Variants in FAM168A observed in about 807,000 individuals in gnomAD.
The protein encoded by FAM168A is family with sequence similarity 168 member A, also known as protein FAM168A.
A neutral mutation model predicts 28.5 loss-of-function variants in FAM168A; 3 were observed. The ratio of observed to expected loss-of-function variants is 0.11; its 90% CI spans 0.05 to 0.27. The LOEUF is 0.27. Ranked by LOEUF, FAM168A falls within the 10% of genes least tolerant of loss-of-function variation. The pLI, the probability that FAM168A is intolerant of heterozygous loss-of-function variation, is 1.00. For synonymous variants in FAM168A, 122 were observed against 124.2 expected, an observed-to-expected ratio of 0.98 and a Z score of 0.12; for missense variants, 222 against 311.5, an observed-to-expected ratio of 0.71 and a Z score of 2.16.
chr11:73,484,650 ATC>A (rs1188042558), intron 1 of FAM168A, among the ~76,000 whole-genome samples: 5 of 146,048 alleles, frequency 3.4e-5, no homozygotes, highest in African/African-American at 1.2e-4. Flanking sequence ...ATATCTATCT[ATC>A]TATATATAGA....
intron 4 of FAM168A, among the ~76,000 whole-genome samples, chr11:73,419,462 C>T (rs988735500): frequency 2.0e-5 from 3 of 152,184 alleles, no homozygotes; most frequent in Non-Finnish European, 2.9e-5. Context: ...CACAGGACAG[C>T]GCCCCCACAA....
At chr11:73,499,266 C>G (rs1029446462) in intron 1 of FAM168A, among the ~76,000 whole-genome samples, 1 of 152,066 alleles carries the variant, frequency 6.6e-6, no homozygotes, top group African/African-American at 2.4e-5. Context: ...GCCCTACCTA[C>G]AGAAGAGGGA....
At chr11:73,597,629 T>A (rs1211005410) in intron 1 of FAM168A, among the ~76,000 whole-genome samples, 1 of 149,216 alleles carries the variant, frequency 6.7e-6, no homozygotes, top group Admixed American at 6.7e-5. Context: ...CCCAAGACCA[T>A]CCCGAATTCC....
chr11:73,426,317 A>G (rs7925226), intron 3 of FAM168A, among the ~76,000 whole-genome samples: 12,412 of 152,252 alleles, frequency 0.082, 647 homozygotes, highest in Non-Finnish European at 0.11. Flanking sequence ...AGAGCTTGGG[A>G]AAAAGCTCCA....
intron 1 of FAM168A, among the ~76,000 whole-genome samples, chr11:73,507,617 A>G (rs1325562955): frequency 6.6e-6 from 1 of 152,178 alleles, no homozygotes; most frequent in Non-Finnish European, 1.5e-5. Context: ...TTGAACCTAA[A>G]AAAAAAGTTA....
At position 73,568,006 on chromosome 11, in the gene FAM168A, C is replaced by CT. The variant is rs141321848; in HGVS notation, c.-19+29916dup. Among the ~76,000 whole-genome samples the CT allele has an allele frequency of 5.8e-3, 883 of 152,322 alleles. 8 individuals carry two copies. The highest frequency in any genetic ancestry group is 0.021 in the African/African-American group (854 of 41,578). On this transcript the variant is annotated intron_variant, in intron 1 of 7. Coordinates refer to ENST00000356467, the MANE Select transcript of FAM168A (RefSeq NM_015159.3). The stretch of plus-strand genomic sequence containing the variant: ...TCTCTTTCAGCAGCTACCCTGTACT[C>CT]TAACTACTCACCTTTCAAGCTTGTA...
At chr11:73,484,596 C>CTA (rs1868020806) in intron 1 of FAM168A, among the ~76,000 whole-genome samples, 2 of 127,224 alleles carry the variant, frequency 1.6e-5, no homozygotes, top group East Asian at 4.4e-4. Context: ...ATCTATATAT[C>CTA]GATATCTATA....
At chr11:73,421,346 T>C (rs1476550905) in intron 3 of FAM168A, among the ~76,000 whole-genome samples, 1 of 152,250 alleles carries the variant, frequency 6.6e-6, no homozygotes, top group East Asian at 1.9e-4. Context: ...GTGCTGTTTT[T>C]GTTGAACCAA....
At chr11:73,538,966 A>G (rs1943618532) in intron 1 of FAM168A, among the ~76,000 whole-genome samples, 1 of 152,224 alleles carries the variant, frequency 6.6e-6, no homozygotes, top group Non-Finnish European at 1.5e-5. Context: ...GAAGAAAAGT[A>G]CTACTACAGT....
rs34994742 is a variant in FAM168A at position 73,433,076 on chromosome 11, C to CTTTTTT, written c.71-2312_71-2307dup. Among the ~76,000 whole-genome samples, 36 of 80,602 alleles carry CTTTTTT rather than the reference C, an allele frequency of 4.5e-4. 2 individuals are homozygous for CTTTTTT. Among genetic ancestry groups the CTTTTTT allele is most frequent in the African/African-American group, 1.8e-3 (26 of 14,700 alleles). 52.9% of individuals were successfully genotyped at this position (80,602 alleles called of 152,430 possible). On this transcript the variant is annotated intron_variant, in intron 2 of 7. Transcript: ENST00000356467. Reference sequence around the variant, plus strand: ...ACAGGTGCGTGCCACCACGCCCCGCCTTTTTTTTTTTTTTTTTTTTTTTTT... The same window carrying CTTTTTT: ...ACAGGTGCGTGCCACCACGCCCCGCCTTTTTTTTTTTTTTTTTTTTTTTTTTTTTTT...
chr11:73,457,368 G>T (rs1412316325), intron 2 of FAM168A, among the ~76,000 whole-genome samples: 20 of 151,300 alleles, frequency 1.3e-4, no homozygotes, highest in African/African-American at 3.4e-4. Flanking sequence ...CCAACCTGTG[G>T]GACAGAGTGA....
chr11:73,453,054 G>C (rs1277686528), intron 2 of FAM168A, among the ~76,000 whole-genome samples: 1 of 152,204 alleles, frequency 6.6e-6, no homozygotes, highest in Non-Finnish European at 1.5e-5. Flanking sequence ...ATAAGACATA[G>C]ACTTCAAATA....
intron 1 of FAM168A, among the ~76,000 whole-genome samples, chr11:73,543,215 T>C (rs1943679329): frequency 6.6e-6 from 1 of 152,016 alleles, no homozygotes; most frequent in African/African-American, 2.4e-5. Flanking sequence ...TAAGATCATA[T>C]TGTAAGTATA....
At chr11:73,563,017 T>G (rs1943977122) in intron 1 of FAM168A, among the ~76,000 whole-genome samples, 1 of 152,218 alleles carries the variant, frequency 6.6e-6, no homozygotes, top group Non-Finnish European at 1.5e-5. Context: ...GTATTTCTAA[T>G]GCTACTACTC....
rs1867266618 is a variant in FAM168A, at chr11:73,444,611, T to C, written c.71-13841A>G. On this transcript the variant is annotated intron_variant, in intron 2 of 7. Coordinates refer to ENST00000356467, the MANE Select transcript of FAM168A (RefSeq NM_015159.3). ...AATTGTAAATGAAAGTGTCCCCACA[T>C]TTTTGCCTTTTTATTTGTAATTTAT... Among the ~76,000 whole-genome samples, 4 of 152,266 alleles carry C rather than the reference T, an allele frequency of 2.6e-5. No individual in the cohort carries two copies. In the South Asian group the frequency reaches 8.3e-4, roughly 31 times the overall value.
intron 1 of FAM168A, among the ~76,000 whole-genome samples, chr11:73,567,745 T>C (rs1467151543): frequency 1.3e-5 from 2 of 152,150 alleles, no homozygotes; most frequent in East Asian, 1.9e-4. Context: ...CAACTATGTG[T>C]CCTCTACTCT....
intron 1 of FAM168A, among the ~76,000 whole-genome samples, chr11:73,515,930 G>A (rs916135615): frequency 3.3e-5 from 5 of 151,836 alleles, no homozygotes; most frequent in African/African-American, 9.7e-5. Context: ...GTGAAACCCC[G>A]TCTCTACGAA....
intron 1 of FAM168A, among the ~76,000 whole-genome samples, chr11:73,484,613 T>G (rs1164001340): frequency 7.0e-6 from 1 of 142,366 alleles, no homozygotes; most frequent in African/African-American, 2.6e-5. Flanking sequence ...TATATCGATA[T>G]ATATCTATAT....
chr11:73,528,294 C>G (rs1301337106), intron 1 of FAM168A, among the ~76,000 whole-genome samples: 2 of 152,114 alleles, frequency 1.3e-5, no homozygotes, highest in African/African-American at 4.8e-5. Context: ...CATTCCTAGC[C>G]TCCAGATGTT....
Sources: gnomAD v4.1 joint callset for allele counts (sites outside exome capture counted in the v4.1 genomes callset) on GRCh38, gnomAD v4.1.1 for gene constraint, MANE v1.5 for transcripts, NCBI Gene and HGNC (gene_info 2026-07-23, HGNC 2026-07-21) for gene names.